The following IGF2BP2 variants were observed in gnomAD, a reference collection of about 807,000 sequenced individuals.
IGF2BP2 encodes insulin like growth factor 2 mRNA binding protein 2, also known as insulin-like growth factor 2 mRNA-binding protein 2.
A neutral mutation model predicts 75.8 loss-of-function variants in IGF2BP2; 17 were observed. That is an observed-to-expected ratio of 0.22 (90% CI 0.15 to 0.34). The LOEUF (loss-of-function observed/expected upper bound fraction) is 0.34. IGF2BP2 is among the 10% of genes least tolerant of loss of function. IGF2BP2 has a pLI of 1.00. For missense variants in IGF2BP2, 516 were observed against 772.4 expected (o/e 0.67, Z 3.93); for synonymous variants, 288 against 295.6 (o/e 0.97, Z 0.26).
chr3:185,756,207 T>G (rs2149667191), intron 2 of IGF2BP2, among the ~76,000 whole-genome samples: 1 of 152,298 alleles, frequency 6.6e-6, no homozygotes, highest in South Asian at 2.1e-4. Flanking sequence ...TCACTCTTGC[T>G]CATGCTCTTG....
At chr3:185,791,468 G>A (rs144119050) in intron 2 of IGF2BP2, among the ~76,000 whole-genome samples, 151 of 152,362 alleles carry the variant, frequency 9.9e-4, no homozygotes, top group African/African-American at 3.6e-3. Flanking sequence ...TGGAAATGGA[G>A]AAAGTAAAAG....
At chr3:185,663,092 CTA>C (rs969969349) in intron 10 of IGF2BP2, among the ~76,000 whole-genome samples, 74 of 152,274 alleles carry the variant, frequency 4.9e-4, no homozygotes, top group African/African-American at 1.8e-3. Context: ...ACTCAAATAA[CTA>C]TTTTAATGGG....
chr3:185,822,839 GGGTAGGGGCGGGA>G (rs1309296581), intron 2 of IGF2BP2, among the ~76,000 whole-genome samples: 10 of 152,026 alleles, frequency 6.6e-5, no homozygotes, highest in Non-Finnish European at 1.3e-4. Flanking sequence ...ATTCTGCTGG[GGGTAGGGGCGGGA>G]GGTGGGGGTG....
intron 2 of IGF2BP2, among the ~76,000 whole-genome samples, chr3:185,802,701 A>C (rs1738445741): frequency 6.6e-6 from 1 of 152,202 alleles, no homozygotes; most frequent in Admixed American, 6.5e-5. Context: ...CTAGGTATAA[A>C]ATTTCTCTTA....
At chr3:185,671,684 CCTGT>C (rs765888925) in intron 10 of IGF2BP2, among the ~76,000 whole-genome samples, 1 of 152,058 alleles carries the variant, frequency 6.6e-6, no homozygotes, top group Non-Finnish European at 1.5e-5. Context: ...GGGGATTCAT[CCTGT>C]CTCTCTACAG....
chr3:185,795,853 T>C (rs1737301937), intron 2 of IGF2BP2, among the ~76,000 whole-genome samples: 1 of 151,344 alleles, frequency 6.6e-6, no homozygotes, highest in Admixed American at 6.6e-5. Context: ...ACCACTACAC[T>C]CCAGGCTGGG....
chr3:185,756,182 G>A (rs1206107716), intron 2 of IGF2BP2, among the ~76,000 whole-genome samples: 2 of 152,112 alleles, frequency 1.3e-5, no homozygotes, highest in Non-Finnish European at 2.9e-5. Flanking sequence ...AAGGGAGTCT[G>A]GGACCTCCCC....
At chr3:185,655,100 C>T (rs1049252884) in intron 12 of IGF2BP2, among the ~76,000 whole-genome samples, 4 of 152,202 alleles carry the variant, frequency 2.6e-5, no homozygotes, top group Admixed American at 6.5e-5. Flanking sequence ...CCTGTTGAGA[C>T]AAAGGGAATC....
chr3:185,689,407 T>C lies in IGF2BP2; in HGVS notation c.625A>G (p.Ile209Val). Residue 209 changes from isoleucine (I) to valine (V), a missense_variant, in exon 6 of 16, where the codon ATC becomes GTC. This residue lies in a region of IGF2BP2 where 312 missense variants were observed against 474.5 expected (regional missense o/e 0.66). Coordinates refer to ENST00000382199, the MANE Select transcript of IGF2BP2 (RefSeq NM_006548.6). ...LVPTQFVGAIIGKEGLTIKNI... is the reference protein window; with the variant it reads ...LVPTQFVGAIVGKEGLTIKNI... ...TTTATGGTCAAGCCCTCCTTTCCGA[T>C]GATGGCACCAACAAACTGGGTGGGG... The C allele has an allele frequency of 1.9e-6, 3 of 1,614,058 alleles. No individual in the cohort carries two copies. Among genetic ancestry groups the C allele is most frequent in the Non-Finnish European group, 1.7e-6 (2 of 1,180,016 alleles).
At chr3:185,800,445 A>T (rs973346863) in intron 2 of IGF2BP2, among the ~76,000 whole-genome samples, 12 of 151,992 alleles carry the variant, frequency 7.9e-5, no homozygotes, top group East Asian at 7.7e-4. Flanking sequence ...TAATAAAAAT[A>T]AAAAAAAGTA....
intron 11 of IGF2BP2, among the ~76,000 whole-genome samples, chr3:185,657,660 T>C (rs1715677491): frequency 6.6e-6 from 1 of 152,228 alleles, no homozygotes; most frequent in African/African-American, 2.4e-5. Flanking sequence ...TTTGTTGGAT[T>C]CCAAAAGCTG....
intron 2 of IGF2BP2, among the ~76,000 whole-genome samples, chr3:185,700,587 A>C (rs1023063871): frequency 1.3e-5 from 2 of 152,218 alleles, no homozygotes. Flanking sequence ...CACCAAGCCT[A>C]ACAGTCTGTA....
intron 2 of IGF2BP2, among the ~76,000 whole-genome samples, chr3:185,710,471 G>A (rs979340192): frequency 2.6e-5 from 4 of 152,266 alleles, no homozygotes; most frequent in East Asian, 3.9e-4. Flanking sequence ...GATGGCTCAC[G>A]CCTGTATTCC....
At chr3:185,713,905 T>C (rs1415994138) in intron 2 of IGF2BP2, among the ~76,000 whole-genome samples, 1 of 152,220 alleles carries the variant, frequency 6.6e-6, no homozygotes, top group African/African-American at 2.4e-5. Flanking sequence ...TTCACCATGT[T>C]GGCCAGGCTG....
chr3:185,667,846 A>G (rs1560257088), intron 10 of IGF2BP2, among the ~76,000 whole-genome samples: 1 of 152,164 alleles, frequency 6.6e-6, no homozygotes, highest in African/African-American at 2.4e-5. Context: ...ATGTCACACA[A>G]GTCTATTGGT....
chr3:185,755,615 G>A (rs986642548), intron 2 of IGF2BP2, among the ~76,000 whole-genome samples: 3 of 152,234 alleles, frequency 2.0e-5, no homozygotes, highest in African/African-American at 7.2e-5. Context: ...GGGCAGGGCT[G>A]CCCAAGGCCT....
At chr3:185,823,351 G>A (rs1160032907) in intron 1 of IGF2BP2, 138 bp from the exon 2 acceptor site, 3 of 527,366 alleles carry the variant, frequency 5.7e-6, no homozygotes, top group African/African-American at 2.0e-5. Flanking sequence ...GATCGAGCTG[G>A]GCGAACTTGG....
In IGF2BP2 at chr3:185,645,641, AG is replaced by A; in HGVS notation, c.1708-19del. On this transcript the variant is annotated intron_variant, in intron 15 of 15. Coordinates refer to ENST00000382199, the MANE Select transcript of IGF2BP2 (RefSeq NM_006548.6). The surrounding 1 kb of genome is among the most constrained non-coding windows in gnomAD (Gnocchi z 4.9). ...TGTGCAGTCTGCAGCAAGGGAGAGAAGGGAGAGGAAGGGACAGGGGAAAAAA... is the reference window on the plus strand; with the variant it reads ...TGTGCAGTCTGCAGCAAGGGAGAGAAGGAGAGGAAGGGACAGGGGAAAAAA... 1.9e-6 allele frequency: 3 copies of A among 1,596,016 alleles called. No individual in the cohort carries two copies. In the South Asian group the frequency reaches 3.3e-5, roughly 18 times the overall value.
At chr3:185,710,016 G>C (rs1261340589) in intron 2 of IGF2BP2, among the ~76,000 whole-genome samples, 1 of 152,104 alleles carries the variant, frequency 6.6e-6, no homozygotes, top group Non-Finnish European at 1.5e-5. Flanking sequence ...TTAGGTGTTG[G>C]GGTACAGTAG....
Sources: gnomAD v4.1 joint callset for allele counts (sites outside exome capture counted in the v4.1 genomes callset) on GRCh38, gnomAD v4.1.1 for gene constraint, gnomAD v4.1.1 regional missense constraint, Gnocchi (gnomAD v3.1) non-coding constraint, MANE v1.5 for transcripts, NCBI Gene and HGNC (gene_info 2026-07-23, HGNC 2026-07-21) for gene names.